The following GNAQ variants were observed in gnomAD, a reference collection of about 807,000 sequenced individuals.
GNAQ encodes G protein subunit alpha q, also known as guanine nucleotide-binding protein G(q) subunit alpha.
Under a neutral mutation model 43.9 loss-of-function variants are expected in GNAQ, and 8 were observed. The ratio of observed to expected loss-of-function variants is 0.18; its 90% CI spans 0.11 to 0.33. The LOEUF is 0.33. GNAQ is among the 10% of genes least tolerant of loss of function. The pLI is 1.00. For synonymous variants in GNAQ, 155 were observed against 170.7 expected, an observed-to-expected ratio of 0.91 and a Z score of 0.71; for missense variants, 158 against 450.8, an observed-to-expected ratio of 0.35 and a Z score of 5.88.
intron 1 of GNAQ, among the ~76,000 whole-genome samples, chr9:77,961,368 G>A (rs555935910): frequency 6.6e-6 from 1 of 152,224 alleles, no homozygotes; most frequent in South Asian, 2.1e-4. Flanking sequence ...GATCAGAATC[G>A]AGAAAGGCTT....
chr9:77,928,212 T>C (rs1413762354), intron 1 of GNAQ, among the ~76,000 whole-genome samples: 1 of 152,242 alleles, frequency 6.6e-6, no homozygotes, highest in Non-Finnish European at 1.5e-5. Context: ...TCTACTTAGA[T>C]TAAAATCCTG....
At chr9:77,850,920 A>C (rs1175533691) in intron 2 of GNAQ, among the ~76,000 whole-genome samples, 1 of 151,968 alleles carries the variant, frequency 6.6e-6, no homozygotes, top group Non-Finnish European at 1.5e-5. Flanking sequence ...TCTGTCTCAC[A>C]CAGGGTCTTA....
At chr9:77,986,191 T>G (rs1322327567) in intron 1 of GNAQ, among the ~76,000 whole-genome samples, 1 of 152,184 alleles carries the variant, frequency 6.6e-6, no homozygotes, top group African/African-American at 2.4e-5. Flanking sequence ...ATCTGGCTCA[T>G]ACCTGCTGTT....
At chr9:77,949,504 A>C (rs1432323223) in intron 1 of GNAQ, among the ~76,000 whole-genome samples, 1 of 152,206 alleles carries the variant, frequency 6.6e-6, no homozygotes, top group Non-Finnish European at 1.5e-5. Context: ...CCCCAACATG[A>C]GTGAGCAGTA....
chr9:77,902,692 C>A (rs1006317887), intron 2 of GNAQ, among the ~76,000 whole-genome samples: 1 of 152,132 alleles, frequency 6.6e-6, no homozygotes, highest in Admixed American at 6.5e-5. Context: ...AAACCTAACC[C>A]AAGTTAGAAA....
At chr9:77,943,665 T>C (rs1342237906) in intron 1 of GNAQ, among the ~76,000 whole-genome samples, 2 of 148,850 alleles carry the variant, frequency 1.3e-5, no homozygotes, top group African/African-American at 5.0e-5. Context: ...ACTAACTTTT[T>C]TTTTTTTTTT....
At chr9:77,975,172 G>C (rs1344555922) in intron 1 of GNAQ, among the ~76,000 whole-genome samples, 1 of 152,082 alleles carries the variant, frequency 6.6e-6, no homozygotes, top group African/African-American at 2.4e-5. Flanking sequence ...TGGTGACCCA[G>C]GATTAAGTGG....
intron 1 of GNAQ, among the ~76,000 whole-genome samples, chr9:77,985,128 G>C (rs915804882): frequency 1.3e-5 from 2 of 152,128 alleles, no homozygotes; most frequent in Non-Finnish European, 2.9e-5. Context: ...GGCTAACATG[G>C]TGAAACTCCG....
At chr9:77,972,182 A>T (rs1823244783) in intron 1 of GNAQ, among the ~76,000 whole-genome samples, 1 of 152,208 alleles carries the variant, frequency 6.6e-6, no homozygotes, top group South Asian at 2.1e-4. Context: ...CTAGAAACAA[A>T]ATCATTAGTA....
chr9:77,904,541 C>T (rs1004212600), intron 2 of GNAQ, among the ~76,000 whole-genome samples: 1 of 151,906 alleles, frequency 6.6e-6, no homozygotes, highest in Non-Finnish European at 1.5e-5. Flanking sequence ...ACCATGTTGA[C>T]CAGGATGGTC....
intron 1 of GNAQ, 146 bp from the exon 2 acceptor site, chr9:77,922,491 T>G (rs1049892067): frequency 9.8e-6 from 6 of 611,736 alleles, no homozygotes; most frequent in Non-Finnish European, 1.7e-5. Flanking sequence ...CTACCTATGG[T>G]GAACATTTAG....
At chr9:77,916,651 C>G (rs1348351949) in intron 2 of GNAQ, among the ~76,000 whole-genome samples, 2 of 152,074 alleles carry the variant, frequency 1.3e-5, no homozygotes, top group Non-Finnish European at 1.5e-5. Context: ...AAGGGAAACA[C>G]AGGTGTCAGG....
intron 2 of GNAQ, among the ~76,000 whole-genome samples, chr9:77,892,528 T>C (rs1375393062): frequency 6.6e-6 from 1 of 152,226 alleles, no homozygotes; most frequent in Non-Finnish European, 1.5e-5. Context: ...TGATGTTCTA[T>C]CTTACAAGAG....
chr9:77,979,759 G>A (rs1339487390), intron 1 of GNAQ, among the ~76,000 whole-genome samples: 1 of 152,132 alleles, frequency 6.6e-6, no homozygotes. Flanking sequence ...CAATTAAGAC[G>A]CTAGGTGAAA....
At chr9:77,953,797 C>T (rs184534448) in intron 1 of GNAQ, among the ~76,000 whole-genome samples, 1 of 152,268 alleles carries the variant, frequency 6.6e-6, no homozygotes, top group East Asian at 1.9e-4. Context: ...TCAAATACAG[C>T]TGCTGGCAAT....
At chr9:77,747,739 G>A (rs1188129493) in intron 5 of GNAQ, among the ~76,000 whole-genome samples, 1 of 152,186 alleles carries the variant, frequency 6.6e-6, no homozygotes, top group Non-Finnish European at 1.5e-5. Context: ...AGGAAGAGAA[G>A]GCGAGAAAGA....
chr9:77,833,989 G>C (rs991754847), intron 2 of GNAQ, among the ~76,000 whole-genome samples: 5 of 151,976 alleles, frequency 3.3e-5, no homozygotes, highest in African/African-American at 1.2e-4. Context: ...TTAACATAGA[G>C]AAAAAATGTT....
At chr9:77,876,798 A>G (rs565905491) in intron 2 of GNAQ, among the ~76,000 whole-genome samples, 1 of 152,214 alleles carries the variant, frequency 6.6e-6, no homozygotes, top group Non-Finnish European at 1.5e-5. Context: ...AGCTGGCTTC[A>G]ACTCCAGTCT....
intron 1 of GNAQ, among the ~76,000 whole-genome samples, chr9:78,001,524 A>T (rs1331251047): frequency 6.6e-6 from 1 of 152,122 alleles, no homozygotes; most frequent in Non-Finnish European, 1.5e-5. Context: ...TGATCACAGG[A>T]TACTCTCAGT....
Sources: gnomAD v4.1 joint callset for allele counts (sites outside exome capture counted in the v4.1 genomes callset) on GRCh38, gnomAD v4.1.1 for gene constraint, MANE v1.5 for transcripts, NCBI Gene and HGNC (gene_info 2026-07-23, HGNC 2026-07-21) for gene names.